The following SRBD1 variants were observed in gnomAD, a reference collection of about 807,000 sequenced individuals.
SRBD1 encodes S1 RNA-binding domain-containing protein 1.
A neutral mutation model predicts 115.3 loss-of-function variants in SRBD1; 88 were observed. The observed-to-expected ratio is 0.76, with a 90% confidence interval of 0.64 to 0.91. The LOEUF is 0.91. Among genes scored for constraint, SRBD1 ranks in the 40% least tolerant of loss-of-function variants. The pLI is 0.00. For missense variants in SRBD1, 1,385 were observed against 1,177.4 expected, an observed-to-expected ratio of 1.18 and a Z score of -2.58; for synonymous variants, 509 against 407.7, an observed-to-expected ratio of 1.25 and a Z score of -2.99.
intron 9 of SRBD1, among the ~76,000 whole-genome samples, chr2:45,571,709 C>T (rs1673024153): frequency 1.3e-5 from 2 of 151,530 alleles, no homozygotes; most frequent in African/African-American, 4.8e-5. Flanking sequence ...TAAAAAAGAA[C>T]AAAATAGAAA....
chr2:45,496,522 T>C (rs1011987962), intron 14 of SRBD1, among the ~76,000 whole-genome samples: 1 of 152,310 alleles, frequency 6.6e-6, no homozygotes. Flanking sequence ...GCGATATACT[T>C]TGCCGGCAAC....
intron 14 of SRBD1, among the ~76,000 whole-genome samples, chr2:45,520,298 T>C (rs1409876504): frequency 6.6e-6 from 1 of 152,200 alleles, no homozygotes; most frequent in Non-Finnish European, 1.5e-5. Context: ...CTGGTTCTAG[T>C]GAGGATGATC....
intron 19 of SRBD1, among the ~76,000 whole-genome samples, chr2:45,410,765 G>A (rs545597872): frequency 2.0e-5 from 3 of 152,268 alleles, no homozygotes; most frequent in East Asian, 3.9e-4. Context: ...ATTCAATCAT[G>A]CCTATGTAAT....
chr2:45,589,952 T>G (rs887930651), intron 4 of SRBD1, among the ~76,000 whole-genome samples: 3 of 152,220 alleles, frequency 2.0e-5, no homozygotes, highest in African/African-American at 7.2e-5. Flanking sequence ...GTATATACAT[T>G]GTTTTAAGAC....
chr2:45,449,213 T>C (rs1489831455), intron 16 of SRBD1, among the ~76,000 whole-genome samples: 9 of 152,178 alleles, frequency 5.9e-5, no homozygotes, highest in Admixed American at 5.9e-4. Flanking sequence ...GACATAATGC[T>C]CAAAAGAGAA....
intron 14 of SRBD1, among the ~76,000 whole-genome samples, chr2:45,495,473 ACTCT>A (rs550617341): frequency 4.0e-5 from 6 of 150,794 alleles, no homozygotes; most frequent in Admixed American, 6.6e-5. Flanking sequence ...TAAGCATCTC[ACTCT>A]CTCTCTCTCT....
At chr2:45,420,922 G>C (rs1667977779) in intron 16 of SRBD1, among the ~76,000 whole-genome samples, 1 of 152,136 alleles carries the variant, frequency 6.6e-6, no homozygotes, top group Admixed American at 6.5e-5. Context: ...GTGCAGGTTT[G>C]TTACATATGT....
At chr2:45,500,427 ATT>A (rs34766902) in intron 14 of SRBD1, among the ~76,000 whole-genome samples, 4 of 145,250 alleles carry the variant, frequency 2.8e-5, no homozygotes, top group Admixed American at 1.4e-4. Flanking sequence ...AACAATATTG[ATT>A]TTTTTTTTTT....
chr2:45,400,659 C>T (rs1261359376), intron 19 of SRBD1, among the ~76,000 whole-genome samples: 2 of 151,988 alleles, frequency 1.3e-5, no homozygotes, highest in Admixed American at 6.6e-5. Context: ...TTAGCTTAGC[C>T]CCTCCTCAAT....
In SRBD1 at chr2:45,579,962, G is replaced by A; in HGVS notation, c.985C>T (p.Gln329Ter). ...CTGGCTGCTCCTTCTAAGCCCAACT[G>A]TCTTGCTCTCTGGGCTTTAGTCCCT... ...SKGTKAQRAR[Q>*]LGLEGAARAL... is the part of the protein sequence containing the mutation. Residue 329 changes from glutamine (Q) to a stop codon, truncating the protein, a stop_gained, in exon 7 of 21, where the codon CAG (glutamine) becomes TAG (stop). Transcript: ENST00000263736. LOFTEE classifies it high-confidence loss of function. 1 of 1,606,866 alleles carries A rather than the reference G, an allele frequency of 6.2e-7. No homozygotes were observed. The highest frequency in any genetic ancestry group is 8.5e-7 in the Non-Finnish European group (1 of 1,176,764).
rs1666940209 is a variant in SRBD1 at position 45,389,534 on chromosome 2, G to T, written c.2764C>A (p.Leu922Ile). 3 of 1,614,048 alleles carry T rather than the reference G, an allele frequency of 1.9e-6. No homozygotes were observed. The highest frequency in any genetic ancestry group is 2.5e-6 in the Non-Finnish European group (3 of 1,179,944). ...CLEDLQIGTV[L>I]TGKVENATLF... is the part of the protein sequence containing the mutation. The stretch of plus-strand genomic sequence containing the variant: ...GTGGCATTCTCAACTTTGCCTGTAA[G>T]AACTGTCCCAATCTGCAGATCTTCC... Residue 922 changes from leucine to isoleucine, a missense_variant, in exon 21 of 21, where the codon CTT (leucine) becomes ATT (isoleucine). Leu to Ile is a conservative substitution (Grantham distance 5, BLOSUM62 2). Transcript: ENST00000263736.
chr2:45,454,714 G>C (rs758425961), intron 16 of SRBD1, among the ~76,000 whole-genome samples: 41 of 151,772 alleles, frequency 2.7e-4, no homozygotes, highest in African/African-American at 9.7e-4. Flanking sequence ...TACAATGCAC[G>C]AACATTTGTT....
At chr2:45,559,246 C>T (rs1259313354) in intron 10 of SRBD1, among the ~76,000 whole-genome samples, 2 of 152,134 alleles carry the variant, frequency 1.3e-5, no homozygotes, top group Non-Finnish European at 2.9e-5. Flanking sequence ...CATCACACTC[C>T]TGTATTTAAA....
At chr2:45,506,384 T>C (rs1670798028) in intron 14 of SRBD1, among the ~76,000 whole-genome samples, 1 of 152,188 alleles carries the variant, frequency 6.6e-6, no homozygotes, top group African/African-American at 2.4e-5. Flanking sequence ...TTTACTTGTA[T>C]TTAACTTAGT....
intron 14 of SRBD1, among the ~76,000 whole-genome samples, chr2:45,540,991 C>T (rs972531569): frequency 6.6e-6 from 1 of 152,248 alleles, no homozygotes; most frequent in Non-Finnish European, 1.5e-5. Flanking sequence ...CCGAGTTTTG[C>T]TCAGGCCCCC....
intron 14 of SRBD1, among the ~76,000 whole-genome samples, chr2:45,501,012 T>C (rs1670614592): frequency 1.3e-5 from 2 of 152,206 alleles, no homozygotes; most frequent in Non-Finnish European, 2.9e-5. Flanking sequence ...GTATTAGCTA[T>C]GGGTTTGTCA....
At chr2:45,393,805 G>T (rs908422943) in intron 19 of SRBD1, among the ~76,000 whole-genome samples, 1 of 152,176 alleles carries the variant, frequency 6.6e-6, no homozygotes, top group African/African-American at 2.4e-5. Flanking sequence ...ATAGGCAAAC[G>T]ATGAAATGAT....
intron 3 of SRBD1, 145 bp downstream of exon 3, chr2:45,601,758 C>A: frequency 9.4e-7 from 1 of 1,063,876 alleles, no homozygotes; most frequent in Non-Finnish European, 1.3e-6. Flanking sequence ...CAGTACAGAC[C>A]CAAAAATTAA....
intron 6 of SRBD1, among the ~76,000 whole-genome samples, chr2:45,580,511 A>ATTTTTTTTTTTTTT (rs1227093467): frequency 1.2e-5 from 1 of 85,774 alleles, no homozygotes; most frequent in Non-Finnish European, 2.2e-5. Context: ...ACGTCCAGCT[A>ATTTTTTTTTTTTTT]TTTTTTTTTT....
Sources: gnomAD v4.1 joint callset for allele counts (sites outside exome capture counted in the v4.1 genomes callset) on GRCh38, gnomAD v4.1.1 for gene constraint, MANE v1.5 for transcripts, NCBI Gene and HGNC (gene_info 2026-07-23, HGNC 2026-07-21) for gene names.